CPNE4: variants seen among roughly 807,000 people sequenced by gnomAD.
CPNE4 encodes copine 4, also known as copine-4.
In CPNE4, 25 loss-of-function variants were observed where a neutral mutation model predicts 67.9. The observed-to-expected ratio is 0.37, with a 90% confidence interval of 0.27 to 0.51. The LOEUF (loss-of-function observed/expected upper bound fraction) is 0.51, where lower values mean the gene tolerates loss of function less well. Among genes scored for constraint, CPNE4 ranks in the 20% least tolerant of loss-of-function variants. CPNE4 has a pLI of 0.93. For missense variants in CPNE4, 464 were observed against 690.8 expected (o/e 0.67, Z 3.68); for synonymous variants, 242 against 244.9 (o/e 0.99, Z 0.11).
At chr3:131,913,737 G>A (rs1229771135) in intron 1 of CPNE4, among the ~76,000 whole-genome samples, 1 of 152,016 alleles carries the variant, frequency 6.6e-6, no homozygotes, top group African/African-American at 2.4e-5. Flanking sequence ...CTTCTGAGGG[G>A]GCAAGAATTG....
chr3:132,037,883 G>A, upstream of CPNE4: 1 of 350,414 alleles, frequency 2.9e-6, no homozygotes, highest in Non-Finnish European at 5.3e-6. Context: ...AGCAGATGAT[G>A]AAGGGGAAAA....
chr3:131,779,468 C>A (rs889926233), intron 2 of CPNE4, among the ~76,000 whole-genome samples: 1 of 151,980 alleles, frequency 6.6e-6, no homozygotes, highest in African/African-American at 2.4e-5. Flanking sequence ...TGGCATGGTA[C>A]TCGTAGAAAA....
chr3:131,781,572 G>T (rs1189710748), intron 2 of CPNE4, among the ~76,000 whole-genome samples: 1 of 152,120 alleles, frequency 6.6e-6, no homozygotes, highest in Non-Finnish European at 1.5e-5. Flanking sequence ...AGTGTTTGCA[G>T]CTAAGATATG....
At chr3:131,863,685 G>C (rs1278280414) in intron 2 of CPNE4, among the ~76,000 whole-genome samples, 1 of 152,062 alleles carries the variant, frequency 6.6e-6, no homozygotes, top group East Asian at 1.9e-4. Flanking sequence ...AGTTTCTTTT[G>C]CTGTGCAGAA....
chr3:131,778,793 C>T (rs2083356713), intron 2 of CPNE4, among the ~76,000 whole-genome samples: 3 of 152,098 alleles, frequency 2.0e-5, no homozygotes, highest in Admixed American at 1.3e-4. Flanking sequence ...AATACAAAAC[C>T]GGTGCTGCCA....
intron 15 of CPNE4, among the ~76,000 whole-genome samples, chr3:131,537,028 C>T (rs78227929): frequency 0.038 from 5,835 of 152,094 alleles, 273 homozygotes; most frequent in African/African-American, 0.11. Flanking sequence ...AAAGACTTTT[C>T]CCTTGTGAAA....
rs1362197533 is a variant in CPNE4 at position 131,685,890 on chromosome 3, C to T, written c.576G>A (p.Leu192=). The change falls in exon 6 of 16, where the codon CTG becomes CTA. Residue 192 remains leucine, a synonymous_variant. Coordinates refer to ENST00000429747, the MANE Select transcript of CPNE4 (RefSeq NM_130808.3). ...FRMNDDATQQ[L]VHRTEVVMNN... ...TGACTCTTACCTCAGTTCGGTGCAC[C>T]AGCTGCTGAGTTGCATCATCATTCA... The T allele has an allele frequency of 6.2e-7, 1 of 1,612,366 alleles. No homozygotes were observed. The highest frequency in any genetic ancestry group is 8.5e-7 in the Non-Finnish European group (1 of 1,178,540).
intron 4 of CPNE4, 25 bp from the exon 5 acceptor site, chr3:131,696,641 T>A (rs1174571858): frequency 3.7e-6 from 6 of 1,606,870 alleles, no homozygotes; most frequent in Non-Finnish European, 1.7e-6. Context: ...ACACATCAGC[T>A]GCAATAGAGG....
chr3:131,870,932 GC>G (rs1263399005), intron 2 of CPNE4, among the ~76,000 whole-genome samples: 1 of 152,150 alleles, frequency 6.6e-6, no homozygotes, highest in Non-Finnish European at 1.5e-5. Context: ...GTGAACACAA[GC>G]TTTTGTTGAA....
At chr3:131,936,153 AT>A (rs1300836590) in intron 1 of CPNE4, among the ~76,000 whole-genome samples, 2 of 151,906 alleles carry the variant, frequency 1.3e-5, no homozygotes, top group Non-Finnish European at 2.9e-5. Flanking sequence ...CTCAAACTCC[AT>A]TTTTACTGGG....
At chr3:132,012,815 T>A (rs771653197) in intron 1 of CPNE4, among the ~76,000 whole-genome samples, 35 of 152,346 alleles carry the variant, frequency 2.3e-4, no homozygotes, top group Non-Finnish European at 2.8e-4. Flanking sequence ...CTAAGTACTA[T>A]GACATTAATA....
intron 2 of CPNE4, among the ~76,000 whole-genome samples, chr3:131,868,872 G>A (rs993604962): frequency 3.3e-5 from 5 of 152,080 alleles, no homozygotes; most frequent in East Asian, 1.9e-4. Context: ...GTGAACGACC[G>A]TCTCTTTAGA....
intron 3 of CPNE4, among the ~76,000 whole-genome samples, chr3:131,703,290 A>C (rs1338513968): frequency 6.6e-6 from 1 of 152,244 alleles, no homozygotes; most frequent in Non-Finnish European, 1.5e-5. Flanking sequence ...ATCAAGGTTA[A>C]AAGGGATCCA....
intron 2 of CPNE4, among the ~76,000 whole-genome samples, chr3:131,734,419 G>A (rs2082192286): frequency 6.6e-6 from 1 of 152,150 alleles, no homozygotes; most frequent in South Asian, 2.1e-4. Flanking sequence ...TGTGGTGTTG[G>A]GAACATATCT....
intron 1 of CPNE4, among the ~76,000 whole-genome samples, chr3:131,980,964 T>C (rs2072890574): frequency 6.6e-6 from 1 of 152,146 alleles, no homozygotes; most frequent in Non-Finnish European, 1.5e-5. Context: ...TTGTCTCTCT[T>C]CTGGGTCTAG....
At chr3:131,807,556 C>T (rs2084366395) in intron 2 of CPNE4, among the ~76,000 whole-genome samples, 2 of 151,908 alleles carry the variant, frequency 1.3e-5, no homozygotes, top group Non-Finnish European at 2.9e-5. Flanking sequence ...CTAGTGTTAA[C>T]CTCCATGTAA....
intron 15 of CPNE4, among the ~76,000 whole-genome samples, chr3:131,536,189 C>T (rs1271225526): frequency 6.6e-6 from 1 of 152,136 alleles, no homozygotes; most frequent in Non-Finnish European, 1.5e-5. Flanking sequence ...TTGAATACCA[C>T]ACTAATTCAT....
intron 2 of CPNE4, among the ~76,000 whole-genome samples, chr3:131,890,827 G>T (rs1409477656): frequency 3.3e-5 from 5 of 152,114 alleles, no homozygotes; most frequent in African/African-American, 4.8e-5. Flanking sequence ...AAGATATGAT[G>T]CTAAGTGAAA....
intron 2 of CPNE4, among the ~76,000 whole-genome samples, chr3:131,872,224 A>G (rs751146620): frequency 3.3e-5 from 5 of 151,996 alleles, no homozygotes; most frequent in African/African-American, 7.2e-5. Flanking sequence ...AGAGAGAAAG[A>G]AGGAGAGAGA....
Sources: gnomAD v4.1 joint callset for allele counts (sites outside exome capture counted in the v4.1 genomes callset) on GRCh38, gnomAD v4.1.1 for gene constraint, MANE v1.5 for transcripts, NCBI Gene and HGNC (gene_info 2026-07-23, HGNC 2026-07-21) for gene names.